Variants in PXDN observed in about 807,000 individuals in gnomAD.
The protein encoded by PXDN is peroxidasin homolog.
Under a neutral mutation model 140.3 loss-of-function variants are expected in PXDN, and 77 were observed. That is an observed-to-expected ratio of 0.55 (90% CI 0.46 to 0.66). The LOEUF (loss-of-function observed/expected upper bound fraction) is 0.66. PXDN is among the 30% of genes least tolerant of loss of function. PXDN has a pLI of 0.00. For missense variants in PXDN, 1,838 were observed against 2,039.5 expected (o/e 0.90, Z 1.90); for synonymous variants, 911 against 857.4 (o/e 1.06, Z -1.09).
Position 1,684,140 on chromosome 2 carries a change from A to G in PXDN, c.428T>C (p.Phe143Ser). Reference sequence around the variant, plus strand: ...TGGGTCCAAAGTTTCTATCTGATTAAAGTGCAGGTATCTAGAGGAGTTAAA... The same window carrying G: ...TGGGTCCAAAGTTTCTATCTGATTAGAGTGCAGGTATCTAGAGGAGTTAAA... ...LASLEQLYLH[F>S]NQIETLDPDS... The change falls in exon 5 of 23, where the codon TTT becomes TCT. Residue 143 changes from phenylalanine (F) to serine (S), a missense_variant. Physicochemically the swap from Phe to Ser is radical, Grantham distance 155. Transcript: ENST00000252804. 1 of 1,582,216 alleles carries G rather than the reference A, an allele frequency of 6.3e-7. No individual in the cohort carries two copies. Among genetic ancestry groups the G allele is most frequent in the South Asian group, 1.2e-5 (1 of 85,900 alleles).
Position 1,744,395 on chromosome 2 carries a change from C to A in PXDN, c.61G>T (p.Ala21Ser), listed in dbSNP as rs1180601770. The A allele has an allele frequency of 9.8e-6, 15 of 1,524,510 alleles. No individual in the cohort carries two copies. The highest frequency in any genetic ancestry group is 1.3e-5 in the Non-Finnish European group (15 of 1,142,700). 94.4% of individuals were successfully genotyped at this position (1,524,510 alleles called of 1,614,324 possible). The change falls in exon 1 of 23, where the codon GCC (alanine) becomes TCC (serine). Residue 21 changes from alanine to serine, a missense_variant. By Grantham distance (99) the Ala-to-Ser change is moderately conservative. This residue lies in a region of PXDN where 231 missense variants were observed against 201.5 expected (regional missense o/e 1.15). Transcript: ENST00000252804. ...GCCACCACGGCCAGCGTCCCCCAGG[C>A]GCAGAACAGCACGAGCGCCAACAGG... ...RCLLALVLFC[A>S]WGTLAVVAQK...
At chr2:1,635,996 G>A (rs1682548834) in intron 21 of PXDN, 1 of 263,990 alleles carries the variant, frequency 3.8e-6, no homozygotes, top group African/African-American at 2.3e-5. Context: ...TCCTGGAAGG[G>A]TCTCCTTCCT....
At chr2:1,658,150 C>T (rs367962606) in intron 14 of PXDN, among the ~76,000 whole-genome samples, 125 of 151,300 alleles carry the variant, frequency 8.3e-4, no homozygotes, top group African/African-American at 2.8e-3. Flanking sequence ...CTGCCTTGCC[C>T]GCCCGGCCTC....
At chr2:1,702,164 T>C (rs1684451150) in intron 1 of PXDN, among the ~76,000 whole-genome samples, 1 of 152,226 alleles carries the variant, frequency 6.6e-6, no homozygotes, top group Admixed American at 6.5e-5. Context: ...GGGTCATTTC[T>C]TGTGGGATCC....
At position 1,648,560 on chromosome 2, in the gene PXDN, G is replaced by T; in HGVS notation, c.3220C>A (p.His1074Asn). The change falls in exon 17 of 23, where the codon CAC becomes AAC. Residue 1074 changes from histidine (H) to asparagine (N), a missense_variant. This residue lies in a region of PXDN where 850 missense variants were observed against 894.1 expected (regional missense o/e 0.95). Coordinates refer to ENST00000252804, the MANE Select transcript of PXDN (RefSeq NM_012293.3). The surrounding 1 kb of genome is among the most constrained non-coding windows in gnomAD (Gnocchi z 8.9). ...TAAAGCAGTGGGTTGACAAGCGTGTGGCCAAACCTGAAGGCCGCGGTGGCG... is the reference window on the plus strand; with the variant it reads ...TAAAGCAGTGGGTTGACAAGCGTGTTGCCAAACCTGAAGGCCGCGGTGGCG... Reference protein sequence around the residue: ...AFATAAFRFGHTLVNPLLYRL... With the variant: ...AFATAAFRFGNTLVNPLLYRL... 6.2e-7 allele frequency: 1 copy of T among 1,613,798 alleles called. No individual in the cohort carries two copies. Among genetic ancestry groups the T allele is most frequent in the Non-Finnish European group, 8.5e-7 (1 of 1,179,902 alleles).
chr2:1,641,154 TA>T (rs1682719192), intron 19 of PXDN, among the ~76,000 whole-genome samples: 1 of 152,216 alleles, frequency 6.6e-6, no homozygotes, highest in African/African-American at 2.4e-5. Context: ...TGTGTCTTTT[TA>T]TTTTTTTATT....
At position 1,706,086 on chromosome 2, in the gene PXDN, G is replaced by A. The variant is rs1296030887; in HGVS notation, c.201-12952C>T. On this transcript the variant is annotated intron_variant, in intron 1 of 22. Coordinates refer to ENST00000252804, the MANE Select transcript of PXDN (RefSeq NM_012293.3). Reference sequence around the variant, plus strand: ...AGCGAGAACTTGGATCCGACTGGATGCCAGATTCAAGTTCTACCCTGCCCT... The same window carrying A: ...AGCGAGAACTTGGATCCGACTGGATACCAGATTCAAGTTCTACCCTGCCCT... Among the ~76,000 whole-genome samples, 4 of 152,154 alleles carry A rather than the reference G, an allele frequency of 2.6e-5. No individual in the cohort carries two copies. The South Asian group carries it at 8.3e-4, about 31-fold the overall frequency.
rs376908751 is a variant in PXDN at position 1,666,327 on chromosome 2, G to A, written c.1178C>T (p.Pro393Leu). The part of the protein sequence containing the change: ...LPVDPRVNIT[P>L]SGGLYIQNVV... The stretch of plus-strand genomic sequence containing the variant: ...GTTCTGTATGTAAAGCCCGCCAGAA[G>A]GCGTGATGTTCACCCGCGGGTCAAC... Residue 393 changes from proline to leucine, a missense_variant, in exon 10 of 23, where the codon CCT becomes CTT. By Grantham distance (98) the Pro-to-Leu change is moderately conservative (BLOSUM62 -3). Transcript: ENST00000252804. 6.2e-7 allele frequency: 1 copy of A among 1,613,944 alleles called. No individual in the cohort carries two copies. Among genetic ancestry groups the A allele is most frequent in the African/African-American group, 1.3e-5 (1 of 74,942 alleles).
chr2:1,720,253 C>G (rs199642841), intron 1 of PXDN, among the ~76,000 whole-genome samples: 2 of 35,696 alleles, frequency 5.6e-5, no homozygotes, highest in Non-Finnish European at 9.7e-5. Context: ...GGGAGGGATG[C>G]AGAGAGAGAG....
At chr2:1,715,207 C>G (rs1684867180) in intron 1 of PXDN, among the ~76,000 whole-genome samples, 1 of 152,136 alleles carries the variant, frequency 6.6e-6, no homozygotes, top group African/African-American at 2.4e-5. Flanking sequence ...CCCAGAAAGA[C>G]CCTGCTCCGG....
At position 1,648,993 on chromosome 2, in the gene PXDN, C is replaced by T. The variant is rs753095408; in HGVS notation, c.2787G>A (p.Leu929=). 32 of 1,611,348 alleles carry T rather than the reference C, an allele frequency of 2.0e-5. No homozygotes were observed. The African/African-American group carries it at 4.0e-4, about 20-fold the overall frequency. ...GCCGCAGCAGGCCGCGGTGGCTGGC[C>T]AGGTCGCGGATGCTGCGGGCCTCAT... ...TEHEARSIRD[L]ASHRGLLRQG... The change falls in exon 17 of 23, where the codon CTG becomes CTA. Residue 929 remains leucine (L), a synonymous_variant. Coordinates refer to ENST00000252804, the MANE Select transcript of PXDN (RefSeq NM_012293.3). The surrounding 1 kb of genome is among the most constrained non-coding windows in gnomAD (Gnocchi z 8.9).
At chr2:1,711,680 C>T (rs1291074067) in intron 1 of PXDN, among the ~76,000 whole-genome samples, 1 of 151,744 alleles carries the variant, frequency 6.6e-6, no homozygotes. Flanking sequence ...CCAGCACCTG[C>T]CGAACCACTA....
chr2:1,709,619 A>AC (rs1572180945), intron 1 of PXDN, among the ~76,000 whole-genome samples: 1 of 152,058 alleles, frequency 6.6e-6, no homozygotes, highest in Non-Finnish European at 1.5e-5. Context: ...CCCACTCCGC[A>AC]CCTGCCCGGC....
At chr2:1,735,246 AC>A (rs756549427) in intron 1 of PXDN, among the ~76,000 whole-genome samples, 1 of 152,196 alleles carries the variant, frequency 6.6e-6, no homozygotes, top group Non-Finnish European at 1.5e-5. Flanking sequence ...AAACTCCTGT[AC>A]ATGTTGATGT....
At position 1,649,981 on chromosome 2, in the gene PXDN, C is replaced by T. The variant is rs1396082871; in HGVS notation, c.2105-306G>A. On this transcript the variant is annotated intron_variant, in intron 16 of 22. Coordinates refer to ENST00000252804, the MANE Select transcript of PXDN (RefSeq NM_012293.3). This position sits in a 1 kb window ranked among gnomAD's most constrained non-coding sequence, Gnocchi z 7.1. ...CCAGCAGCTCTCCTCTGGGAGACCC[C>T]TAACCGATGGAGCCCGACCCACGTT... Among the ~76,000 whole-genome samples the T allele has an allele frequency of 6.6e-6, 1 of 152,100 alleles. No homozygotes were observed. Among genetic ancestry groups the T allele is most frequent in the Non-Finnish European group, 1.5e-5 (1 of 68,016 alleles).
Position 1,727,375 on chromosome 2 carries a change from A to C in PXDN, c.200+16881T>G, listed in dbSNP as rs1037467646. 2.6e-5 allele frequency among the ~76,000 whole-genome samples: 4 copies of C among 152,226 alleles called. No individual in the cohort carries two copies. In the East Asian group the frequency reaches 5.8e-4, roughly 22 times the overall value. ...CCATGCAAGCCGTAACGTAATAAGT[A>C]GCATCCATTGCAAGAGCAGCTACTG... is the stretch of plus-strand genomic sequence containing the variant. On this transcript the variant is annotated intron_variant, in intron 1 of 22. Transcript: ENST00000252804.
chr2:1,650,338 G>C (rs1360393696), intron 16 of PXDN, among the ~76,000 whole-genome samples: 9 of 152,048 alleles, frequency 5.9e-5, no homozygotes, highest in African/African-American at 1.9e-4. Flanking sequence ...TCATCCACAC[G>C]CCCTCCCCAC....
chr2:1,682,266 T>C (rs931395846), intron 6 of PXDN, among the ~76,000 whole-genome samples: 7 of 152,166 alleles, frequency 4.6e-5, no homozygotes, highest in Non-Finnish European at 1.0e-4. Context: ...CTCTCTGTTA[T>C]CTATCAAATA....
rs1286223125 is a variant in PXDN at position 1,660,734 on chromosome 2, G to A, written c.1837+147C>T. The A allele has an allele frequency of 6.4e-6, 7 of 1,096,518 alleles. No homozygotes were observed. Among genetic ancestry groups the A allele is most frequent in the Non-Finnish European group, 6.3e-6 (5 of 793,794 alleles). 67.9% of individuals were successfully genotyped at this position (1,096,518 alleles called of 1,614,324 possible). On this transcript the variant is annotated intron_variant, in intron 14 of 22. Coordinates refer to ENST00000252804, the MANE Select transcript of PXDN (RefSeq NM_012293.3). This position sits in a 1 kb window ranked among gnomAD's most constrained non-coding sequence, Gnocchi z 4.6. ...GTCGAGCAGCCCGGCCATGCATCAG[G>A]AGAGTGTCCCCACCTGGGAATCAAG...
Sources: gnomAD v4.1 joint callset for allele counts (sites outside exome capture counted in the v4.1 genomes callset) on GRCh38, gnomAD v4.1.1 for gene constraint, gnomAD v4.1.1 regional missense constraint, Gnocchi (gnomAD v3.1) non-coding constraint, MANE v1.5 for transcripts, NCBI Gene and HGNC (gene_info 2026-07-23, HGNC 2026-07-21) for gene names.